Variants in TANGO6 observed in about 807,000 individuals in gnomAD.
The protein encoded by TANGO6 is transport and Golgi organization protein 6 homolog.
TANGO6 carries 90 observed loss-of-function variants against 114.2 expected under a neutral mutation model. The observed-to-expected ratio is 0.79, with a 90% CI of 0.66 to 0.94. The LOEUF (loss-of-function observed/expected upper bound fraction) is 0.94, where lower values mean the gene tolerates loss of function less well. Ranked by LOEUF, TANGO6 falls within the 40% of genes least tolerant of loss-of-function variation. The probability of loss-of-function intolerance (pLI) is 0.00; values close to 1 mark genes in which losing one functional copy is unlikely to be tolerated. For missense variants in TANGO6, 1,274 were observed against 1,315.3 expected (o/e 0.97, Z 0.49); for synonymous variants, 477 against 509.8 (o/e 0.94, Z 0.87).
intron 7 of TANGO6, among the ~76,000 whole-genome samples, chr16:68,895,729 A>C (rs977689677): frequency 6.6e-6 from 1 of 152,240 alleles, no homozygotes; most frequent in Non-Finnish European, 1.5e-5. Flanking sequence ...GGATCAATTT[A>C]ATAAGTACCA....
At chr16:68,984,038 GAAA>G (rs1165109764) in intron 15 of TANGO6, among the ~76,000 whole-genome samples, 1 of 73,296 alleles carries the variant, frequency 1.4e-5, no homozygotes, top group Non-Finnish European at 2.9e-5. Flanking sequence ...GTCTCAAAAA[GAAA>G]AAAAAAAAAA....
intron 15 of TANGO6, among the ~76,000 whole-genome samples, chr16:69,021,218 T>C (rs1023349619): frequency 6.6e-6 from 1 of 152,134 alleles, no homozygotes; most frequent in Non-Finnish European, 1.5e-5. Flanking sequence ...TCCCTGCCCT[T>C]ACTTCTCTAG....
intron 5 of TANGO6, among the ~76,000 whole-genome samples, chr16:68,877,579 A>G (rs1223290066): frequency 2.6e-5 from 4 of 152,160 alleles, no homozygotes; most frequent in Non-Finnish European, 4.4e-5. Context: ...ATTATTTAAT[A>G]AAAACACTGC....
Position 68,927,687 on chromosome 16 carries a change from T to TA in TANGO6, c.2248dup (p.Thr750AsnfsTer8), listed in dbSNP as rs748997628. The TA allele has an allele frequency of 6.2e-7, 1 of 1,613,936 alleles. No individual in the cohort carries two copies. Among genetic ancestry groups the TA allele is most frequent in the South Asian group, 1.1e-5 (1 of 91,084 alleles). ...CTGTTGATCTCCGCATCACCATCTC[T>TA]ACCCATGGAGCCTTTGCCACTGAGG... is the stretch of plus-strand genomic sequence containing the variant. On this transcript the variant is annotated frameshift_variant, in exon 13 of 18. Transcript: ENST00000261778. LOFTEE classifies it high-confidence loss of function.
At chr16:68,860,672 G>A (rs1377186487) in intron 2 of TANGO6, 148 bp downstream of exon 2, 26 of 1,097,150 alleles carry the variant, frequency 2.4e-5, no homozygotes, top group Admixed American at 1.7e-4. Flanking sequence ...GAATCTTTTG[G>A]GGGTGGGCGC....
intron 15 of TANGO6, among the ~76,000 whole-genome samples, chr16:69,009,537 A>T (rs543375010): frequency 3.0e-4 from 45 of 152,308 alleles, no homozygotes; most frequent in African/African-American, 1.0e-3. Flanking sequence ...TTCCATTCTT[A>T]TATGAATTTT....
intron 14 of TANGO6, among the ~76,000 whole-genome samples, chr16:68,936,810 T>TAA (rs199619010): frequency 1.8e-4 from 26 of 140,970 alleles, no homozygotes; most frequent in South Asian, 2.3e-4. Context: ...GAGAAAAAAA[T>TAA]AAAAAAAAAA....
intron 14 of TANGO6, among the ~76,000 whole-genome samples, chr16:68,965,503 C>G (rs1046121434): frequency 2.0e-4 from 31 of 152,252 alleles, no homozygotes; most frequent in Non-Finnish European, 4.0e-4. Context: ...CTTCCTTTCT[C>G]TTCTATTTTA....
intron 2 of TANGO6, among the ~76,000 whole-genome samples, chr16:68,861,679 G>A (rs757220771): frequency 2.0e-5 from 3 of 152,228 alleles, no homozygotes; most frequent in Admixed American, 6.5e-5. Context: ...CAACTAGGAC[G>A]GCAAGAGAAG....
intron 15 of TANGO6, among the ~76,000 whole-genome samples, chr16:68,978,536 TG>T (rs1259621250): frequency 1.3e-5 from 2 of 152,176 alleles, no homozygotes; most frequent in African/African-American, 4.8e-5. Context: ...ATAGATGAAG[TG>T]GTGTGTTGAA....
chr16:68,859,152 T>C (rs1168489833), intron 1 of TANGO6, among the ~76,000 whole-genome samples: 1 of 152,118 alleles, frequency 6.6e-6, no homozygotes, highest in Admixed American at 6.6e-5. Flanking sequence ...GGAAGAGCCT[T>C]TGTTCTGTTT....
At chr16:69,012,041 G>A (rs550863282) in intron 15 of TANGO6, among the ~76,000 whole-genome samples, 14 of 152,258 alleles carry the variant, frequency 9.2e-5, no homozygotes, top group African/African-American at 3.4e-4. Flanking sequence ...ATCCTTCACT[G>A]GCTTTCTTGA....
chr16:68,985,593 G>T (rs972686520), intron 15 of TANGO6, among the ~76,000 whole-genome samples: 5 of 152,020 alleles, frequency 3.3e-5, no homozygotes. Context: ...GGCACCTATG[G>T]TCCTAGCTAC....
chr16:68,877,855 G>A (rs1007486050), intron 5 of TANGO6, among the ~76,000 whole-genome samples: 1 of 152,060 alleles, frequency 6.6e-6, no homozygotes, highest in East Asian at 1.9e-4. Context: ...TGATCCTCCC[G>A]CCTCGGCCTC....
intron 17 of TANGO6, among the ~76,000 whole-genome samples, chr16:69,082,560 C>T (rs1055664066): frequency 1.3e-4 from 20 of 152,186 alleles, no homozygotes; most frequent in African/African-American, 4.8e-4. Context: ...TCATGGCCAA[C>T]AAGGTGAAAC....
intron 11 of TANGO6, 93 bp from the exon 12 acceptor site, chr16:68,918,992 T>A: frequency 7.0e-7 from 1 of 1,423,172 alleles, no homozygotes. Flanking sequence ...ATGATGTAGA[T>A]GAAGAAGATG....
intron 14 of TANGO6, among the ~76,000 whole-genome samples, chr16:68,959,786 C>G (rs959084429): frequency 6.6e-6 from 1 of 152,148 alleles, no homozygotes; most frequent in Admixed American, 6.6e-5. Flanking sequence ...GGCAACTCTC[C>G]GTGGAAGCCT....
In TANGO6 at chr16:68,865,023, A is replaced by G. The variant is rs565102586; in HGVS notation, c.852+1962A>G. Among the ~76,000 whole-genome samples the G allele has an allele frequency of 2.6e-5, 4 of 152,182 alleles. No homozygotes were observed. In the East Asian group the frequency reaches 5.8e-4, roughly 22 times the overall value. On this transcript the variant is annotated intron_variant, in intron 3 of 17. Coordinates refer to ENST00000261778, the MANE Select transcript of TANGO6 (RefSeq NM_024562.2). ...CCGGGCGTGGTGGCTCACCCCTGTA[A>G]TCCCAGCACTTTGGGAGGCCGAGGC...
chr16:69,063,799 C>CTTATTA (rs1380483921), intron 17 of TANGO6, among the ~76,000 whole-genome samples: 1 of 123,292 alleles, frequency 8.1e-6, no homozygotes, highest in Non-Finnish European at 1.6e-5. Context: ...TCTTCTTCTT[C>CTTATTA]TTCTTCTTCT....
Sources: allele counts gnomAD v4.1 joint callset (sites outside exome capture counted in the v4.1 genomes callset), GRCh38; gene constraint gnomAD v4.1.1; transcripts MANE v1.5; gene names NCBI Gene and HGNC (gene_info 2026-07-23, HGNC 2026-07-21).